Variants in PDIA6 observed in about 807,000 individuals in gnomAD.
PDIA6 encodes the protein protein disulfide-isomerase A6.
PDIA6 carries 29 observed loss-of-function variants against 58.4 expected under a neutral mutation model. The observed-to-expected ratio is 0.50, with a 90% CI of 0.37 to 0.68. PDIA6 has a LOEUF of 0.68. Ranked by LOEUF, PDIA6 falls within the 30% of genes least tolerant of loss-of-function variation. The pLI, the probability that PDIA6 is intolerant of heterozygous loss-of-function variation, is 0.00. For synonymous variants in PDIA6, 192 were observed against 202.6 expected (o/e 0.95, Z 0.44); for missense variants, 480 against 551.0 (o/e 0.87, Z 1.29).
Position 10,783,921 on chromosome 2 carries a change from A to T in PDIA6, c.*337T>A, listed in dbSNP as rs1264081943. 1.6e-5 allele frequency: 3 copies of T among 190,028 alleles called. No individual in the cohort carries two copies. The highest frequency in any genetic ancestry group is 3.2e-5 in the Non-Finnish European group (3 of 92,960). The allele number at this position is 190,028 out of a possible 1,614,324, so 11.8% of individuals were successfully genotyped here. On this transcript the variant is annotated 3_prime_UTR_variant, in exon 13 of 13. Coordinates refer to ENST00000272227, the MANE Select transcript of PDIA6 (RefSeq NM_005742.4). ...AAGCCATTAATATTCAAATGAAGGGATCACATTAAAAAAAACCCATACATA... is the reference window on the plus strand; with the variant it reads ...AAGCCATTAATATTCAAATGAAGGGTTCACATTAAAAAAAACCCATACATA...
At chr2:10,790,544 T>G (rs548441252) in intron 7 of PDIA6, among the ~76,000 whole-genome samples, 175 bp downstream of exon 7, 1 of 152,216 alleles carries the variant, frequency 6.6e-6, no homozygotes, top group African/African-American at 2.4e-5. Flanking sequence ...GGGGGAAAAG[T>G]TGACAGTCCT....
rs1338213223 is a variant in PDIA6 at position 10,784,343 on chromosome 2, A to G, written c.1255-17T>C. On this transcript the variant is annotated splice_polypyrimidine_tract_variant and intron_variant, in intron 12 of 12. Transcript: ENST00000272227. ...CACGGGAAGCTGGGAGACGACAGAA[A>G]GCCACTGTTAGATCTGCAGAAGGGG... 1 of 1,607,996 alleles carries G rather than the reference A, an allele frequency of 6.2e-7. No homozygotes were observed. The highest frequency in any genetic ancestry group is 1.1e-5 in the South Asian group (1 of 90,416).
chr2:10,820,899 G>T lies in PDIA6; in HGVS notation c.-47-1545C>A, dbSNP rs1485796374. On this transcript the variant is annotated intron_variant, in intron 1 of 13. Transcript: ENST00000381611. ...GGGTATCTTCTCTCCTCTGGAAGCTGTGCTCTGAGAGTGAGCGTCCTAAGA... is the reference window on the plus strand; with the variant it reads ...GGGTATCTTCTCTCCTCTGGAAGCTTTGCTCTGAGAGTGAGCGTCCTAAGA... 4 of 702,454 alleles carry T rather than the reference G, an allele frequency of 5.7e-6. No homozygotes were observed. The East Asian group carries it at 1.1e-4, about 19-fold the overall frequency. 43.5% of individuals were successfully genotyped at this position (702,454 alleles called of 1,614,324 possible).
chr2:10,797,358 C>T (rs1666311879), intron 3 of PDIA6, 151 bp from the exon 4 acceptor site: 1 of 703,314 alleles, frequency 1.4e-6, no homozygotes, highest in Admixed American at 3.2e-5. Context: ...CCTTGAACAC[C>T]AGAAGAGAAT....
chr2:10,808,591 G>A (rs187662617), intron 1 of PDIA6, among the ~76,000 whole-genome samples: 2 of 152,208 alleles, frequency 1.3e-5, no homozygotes, highest in East Asian at 1.9e-4. Flanking sequence ...GAAGAGGAGC[G>A]GGAACCCAGT....
At chr2:10,831,717 G>A (rs896899936) in intron 1 of PDIA6, among the ~76,000 whole-genome samples, 6 of 152,212 alleles carry the variant, frequency 3.9e-5, no homozygotes, top group South Asian at 2.1e-4. Flanking sequence ...CCTTCATCGC[G>A]TGATTGTGTG....
At chr2:10,815,438 T>C (rs974282676), upstream of PDIA6, 1 of 152,204 alleles carries the variant, frequency 6.6e-6, no homozygotes, top group African/African-American at 2.4e-5. Flanking sequence ...TTCTTCACTG[T>C]GGTAAAATAT....
At chr2:10,823,860 C>T (rs1052202015) in intron 1 of PDIA6, among the ~76,000 whole-genome samples, 10 of 151,202 alleles carry the variant, frequency 6.6e-5, no homozygotes, top group Admixed American at 6.6e-4. Flanking sequence ...TATACTCCCT[C>T]CCTGGGGGCA....
chr2:10,828,609 T>C (rs1667622912), intron 1 of PDIA6, among the ~76,000 whole-genome samples: 1 of 152,232 alleles, frequency 6.6e-6, no homozygotes, highest in Admixed American at 6.5e-5. Flanking sequence ...AGTCTCCTGC[T>C]AGCCTGTGCG....
At chr2:10,787,732 G>T (rs1270285692) in intron 10 of PDIA6, among the ~76,000 whole-genome samples, 1 of 152,080 alleles carries the variant, frequency 6.6e-6, no homozygotes, top group Non-Finnish European at 1.5e-5. Flanking sequence ...TAGGTACCTG[G>T]GGAAAGCAAT....
rs71392260 is a variant in PDIA6 at position 10,806,367 on chromosome 2, C to CAA, written c.20-3729_20-3728dup. Among the ~76,000 whole-genome samples, 380 of 106,314 alleles carry CAA rather than the reference C, an allele frequency of 3.6e-3. 3 individuals carry two copies. The highest frequency in any genetic ancestry group is 0.013 in the African/African-American group (362 of 27,368). 69.7% of individuals were successfully genotyped at this position (106,314 alleles called of 152,430 possible). On this transcript the variant is annotated intron_variant, in intron 1 of 12. Coordinates refer to ENST00000272227, the MANE Select transcript of PDIA6 (RefSeq NM_005742.4). The stretch of plus-strand genomic sequence containing the variant: ...AGCCTGATAGGGCAAGACCTTGTCT[C>CAA]AAAAAAAAAAAAAAAAGAGAGAAAA...
At chr2:10,793,268 C>T (rs1666119826) in intron 4 of PDIA6, 66 bp from the exon 5 acceptor site, 3 of 1,057,846 alleles carry the variant, frequency 2.8e-6, no homozygotes, top group South Asian at 2.6e-5. Flanking sequence ...CTGGCCCGGC[C>T]CAAGACTGTG....
rs190571884 is a variant in PDIA6 at position 10,830,244 on chromosome 2, G to A, written c.-48+1958C>T. ...TGGGCTGTGTCCCAGCTCCTAGCAC[G>A]GCCTGGGAAAATGAATGAATGAATG... On this transcript the variant is annotated intron_variant, in intron 1 of 13. Transcript: ENST00000381611. Among the ~76,000 whole-genome samples the A allele has an allele frequency of 4.6e-5, 7 of 152,328 alleles. No homozygotes were observed. In the East Asian group the frequency reaches 7.7e-4, roughly 17 times the overall value.
chr2:10,828,022 C>T (rs1482395232), intron 1 of PDIA6, among the ~76,000 whole-genome samples: 3 of 151,916 alleles, frequency 2.0e-5, no homozygotes, highest in Non-Finnish European at 4.4e-5. Context: ...ACCCCTCCCC[C>T]TGCCACACAC....
At chr2:10,785,096 C>T in intron 11 of PDIA6, 66 bp from the exon 12 acceptor site, 5 of 1,116,084 alleles carry the variant, frequency 4.5e-6, no homozygotes, top group Non-Finnish European at 6.6e-6. Flanking sequence ...GAAGAATAAA[C>T]AACTTTAAAA....
At chr2:10,828,862 C>G (rs375588698) in intron 1 of PDIA6, among the ~76,000 whole-genome samples, 4 of 152,206 alleles carry the variant, frequency 2.6e-5, no homozygotes, top group Non-Finnish European at 5.9e-5. Context: ...AGGGGCACTC[C>G]GGAAGCCTGG....
intron 4 of PDIA6, among the ~76,000 whole-genome samples, chr2:10,795,605 C>A (rs1328858509): frequency 6.6e-6 from 1 of 152,166 alleles, no homozygotes; most frequent in African/African-American, 2.4e-5. Context: ...GCTTCTGGTA[C>A]CTTAAAATAG....
chr2:10,808,623 T>C (rs1346437497), intron 1 of PDIA6, among the ~76,000 whole-genome samples: 3 of 152,112 alleles, frequency 2.0e-5, no homozygotes, highest in South Asian at 2.1e-4. Context: ...TAGCCTTTGA[T>C]AGGATGATCT....
chr2:10,797,439 A>G (rs755160798), intron 3 of PDIA6, among the ~76,000 whole-genome samples: 56 of 152,356 alleles, frequency 3.7e-4, no homozygotes, highest in Middle Eastern at 6.8e-3. Context: ...GGCAGGGCTG[A>G]GAGTAACTGT....
Sources: gnomAD v4.1 joint callset for allele counts (sites outside exome capture counted in the v4.1 genomes callset) on GRCh38, gnomAD v4.1.1 for gene constraint, MANE v1.5 for transcripts, NCBI Gene and HGNC (gene_info 2026-07-23, HGNC 2026-07-21) for gene names.